The following SLC28A3 variants were observed in gnomAD, a reference collection of about 807,000 sequenced individuals.
SLC28A3 encodes the protein solute carrier family 28 member 3, also known as concentrative Na(+)-nucleoside cotransporter 3.
In SLC28A3, 68 loss-of-function variants were observed where a neutral mutation model predicts 84.2. The ratio of observed to expected loss-of-function variants is 0.81; its 90% CI spans 0.66 to 0.99. The LOEUF is 0.99. SLC28A3 is among the 50% of genes least tolerant of loss of function. The pLI is 0.00. For missense variants in SLC28A3, 712 were observed against 841.5 expected (o/e 0.85, Z 1.90); for synonymous variants, 267 against 303.6 (o/e 0.88, Z 1.25).
At chr9:84,354,704 TG>T in the SLC28A3 span, among the ~76,000 whole-genome samples, 3 of 151,488 alleles carry the variant, frequency 2.0e-5, no homozygotes, top group African/African-American at 7.3e-5. Context: ...AAAAATTAGC[TG>T]GTATGGTGGC....
At chr9:84,292,628 A>G (rs777593338) in intron 10 of SLC28A3, 40 bp downstream of exon 10, 2 of 1,500,374 alleles carry the variant, frequency 1.3e-6, no homozygotes, top group South Asian at 1.2e-5. Context: ...GAGACGATCC[A>G]TTTCAACAGA....
chr9:84,367,186 A>G, the SLC28A3 span, among the ~76,000 whole-genome samples: 94 of 152,188 alleles, frequency 6.2e-4, no homozygotes, highest in African/African-American at 2.2e-3. Flanking sequence ...AGTACTCCAC[A>G]GGAAGTACTG....
chr9:84,351,844 T>G, the SLC28A3 span, among the ~76,000 whole-genome samples: 48,805 of 150,596 alleles, frequency 0.32, 11,059 homozygotes, highest in African/African-American at 0.64. Flanking sequence ...AGGAATAAAG[T>G]GATATAATGT....
intron 1 of SLC28A3, among the ~76,000 whole-genome samples, chr9:84,328,995 T>C (rs1826677147): frequency 6.6e-6 from 1 of 152,082 alleles, no homozygotes; most frequent in Admixed American, 6.6e-5. Context: ...ACAAGAGACA[T>C]ACTTTACATT....
intron 1 of SLC28A3, among the ~76,000 whole-genome samples, chr9:84,322,375 TGGTTTATGCAGCA>T (rs1588614148): frequency 1.3e-5 from 2 of 152,224 alleles, no homozygotes; most frequent in African/African-American, 4.8e-5. Flanking sequence ...CTGCTATCAT[TGGTTTATGCAGCA>T]GGTATCACAA....
At chr9:84,287,261 G>A (rs1012885400) in intron 12 of SLC28A3, among the ~76,000 whole-genome samples, 1 of 152,112 alleles carries the variant, frequency 6.6e-6, no homozygotes, top group Non-Finnish European at 1.5e-5. Flanking sequence ...TTGCTTTTTC[G>A]CTCATGGTTG....
At chr9:84,287,926 A>T (rs1588566186) in intron 12 of SLC28A3, 122 bp downstream of exon 12, 2 of 1,293,158 alleles carry the variant, frequency 1.5e-6, no homozygotes, top group Non-Finnish European at 2.1e-6. Context: ...TAGTCTTTGG[A>T]CTAACTTTAA....
chr9:84,301,369 A>AAAAAAAAAG (rs753889714), intron 5 of SLC28A3, among the ~76,000 whole-genome samples: 5,380 of 130,946 alleles, frequency 0.041, 296 homozygotes, highest in East Asian at 0.066. Flanking sequence ...AAAAAAAAAA[A>AAAAAAAAAG]AAAAAGAAAA....
At chr9:84,294,091 A>G (rs1588575467) in intron 9 of SLC28A3, 104 bp downstream of exon 9, 1 of 975,990 alleles carries the variant, frequency 1.0e-6, no homozygotes. Flanking sequence ...TAATGGTAGG[A>G]AGAGAAAGGC....
At position 84,320,040 on chromosome 9, in the gene SLC28A3, G is replaced by GTTTTT. The variant is rs1182939298; in HGVS notation, c.61-6591_61-6587dup. ...TACTCATTCCAGCCTGGCTTGCACT[G>GTTTTT]TTTTTTTTTTTTTTTTTTTTTTTTT... On this transcript the variant is annotated intron_variant, in intron 1 of 17. Coordinates refer to ENST00000376238, the MANE Select transcript of SLC28A3 (RefSeq NM_001199633.2). 7.9e-3 allele frequency among the ~76,000 whole-genome samples: 470 copies of GTTTTT among 59,452 alleles called. 73 individuals carry two copies. The highest frequency in any genetic ancestry group is 0.011 in the Non-Finnish European group (367 of 33,102). 39.0% of individuals were successfully genotyped at this position (59,452 alleles called of 152,430 possible). A position where few individuals can be genotyped will look rare whatever the true frequency, so the allele number is the denominator to read the frequency against.
chr9:84,303,631 T>C (rs1283322108), intron 4 of SLC28A3, among the ~76,000 whole-genome samples: 1 of 152,190 alleles, frequency 6.6e-6, no homozygotes, highest in Non-Finnish European at 1.5e-5. Context: ...CTTTAGAATT[T>C]TGACGTGACA....
chr9:84,292,132 G>A (rs1438934083), intron 10 of SLC28A3, among the ~76,000 whole-genome samples: 8 of 152,148 alleles, frequency 5.3e-5, no homozygotes, highest in Non-Finnish European at 7.4e-5. Context: ...AAGTATTTAC[G>A]CAGTTGCATG....
chr9:84,321,733 C>CAAAAAAA, intron 1 of SLC28A3, among the ~76,000 whole-genome samples: 1 of 65,104 alleles, frequency 1.5e-5, no homozygotes, highest in Non-Finnish European at 3.1e-5. Context: ...GACTCCGTCT[C>CAAAAAAA]AAAAAAAAAA....
chr9:84,279,978 C>T lies in SLC28A3; in HGVS notation c.1825G>A (p.Ala609Thr), dbSNP rs377557715. The T allele has an allele frequency of 4.0e-5, 65 of 1,613,566 alleles. No homozygotes were observed. Among genetic ancestry groups the T allele is most frequent in the Middle Eastern group, 1.6e-4 (1 of 6,084 alleles). The change falls in exon 16 of 18, where the codon GCA becomes ACA. Residue 609 changes from alanine (A) to threonine (T), a missense_variant. Physicochemically the swap from Ala to Thr is moderately conservative, Grantham distance 58. Coordinates refer to ENST00000376238, the MANE Select transcript of SLC28A3 (RefSeq NM_001199633.2). Reference protein sequence around the residue: ...TVACFMTACIAGILSSTPVDI... With the variant: ...TVACFMTACITGILSSTPVDI... Reference sequence around the variant, plus strand: ...CACAAAGGACAGGGTGCGGTACCTGCGATGCAGGCTGTCATGAAGCAGGCC... The same window carrying T: ...CACAAAGGACAGGGTGCGGTACCTGTGATGCAGGCTGTCATGAAGCAGGCC...
intron 3 of SLC28A3, among the ~76,000 whole-genome samples, chr9:84,308,039 T>A (rs1825861524): frequency 6.6e-6 from 1 of 152,178 alleles, no homozygotes; most frequent in African/African-American, 2.4e-5. Context: ...TGGGATGATG[T>A]ATATGTGACA....
intron 14 of SLC28A3, among the ~76,000 whole-genome samples, chr9:84,283,325 C>T (rs776851410): frequency 2.0e-5 from 3 of 152,264 alleles, no homozygotes; most frequent in South Asian, 4.1e-4. Context: ...AGATGCCATA[C>T]GTACAGGATG....
chr9:84,277,022 C>T lies in SLC28A3; in HGVS notation c.*1196G>A, dbSNP rs1824549138. 1 of 152,228 alleles carries T rather than the reference C, an allele frequency of 6.6e-6. No homozygotes were observed. The highest frequency in any genetic ancestry group is 2.4e-5 in the African/African-American group (1 of 41,460). The allele number at this position is 152,228 out of a possible 1,614,324, so 9.4% of individuals were successfully genotyped here. On this transcript the variant is annotated 3_prime_UTR_variant, in exon 18 of 18. Transcript: ENST00000376238. ...CTGGAATCTTTTTCTTAGACACTGA[C>T]ACCCATTCTTCAAGTTTGATACTGA...
chr9:84,319,772 G>T (rs1826299831), intron 1 of SLC28A3, among the ~76,000 whole-genome samples: 1 of 152,080 alleles, frequency 6.6e-6, no homozygotes, highest in African/African-American at 2.4e-5. Flanking sequence ...ATGCATTTGG[G>T]AAGGAGACCA....
At position 84,280,863 on chromosome 9, in the gene SLC28A3, G is replaced by A. The variant is rs112950285; in HGVS notation, c.1667C>T (p.Ala556Val). Residue 556 changes from alanine (A) to valine (V), a missense_variant, in exon 15 of 18, where the codon GCC becomes GTC. Coordinates refer to ENST00000376238, the MANE Select transcript of SLC28A3 (RefSeq NM_001199633.2). Reference protein sequence around the residue: ...QYISIRSEIIATYALCGFANI... With the variant: ...QYISIRSEIIVTYALCGFANI... ...GGCAAAACCACAGAGAGCGTAAGTGGCGATTATCTCAGAACGAATCTGTAA... is the reference window on the plus strand; with the variant it reads ...GGCAAAACCACAGAGAGCGTAAGTGACGATTATCTCAGAACGAATCTGTAA... 6.2e-7 allele frequency: 1 copy of A among 1,614,056 alleles called. No homozygotes were observed. Among genetic ancestry groups the A allele is most frequent in the Non-Finnish European group, 8.5e-7 (1 of 1,180,010 alleles).
Sources: allele counts gnomAD v4.1 joint callset (sites outside exome capture counted in the v4.1 genomes callset), GRCh38; gene constraint gnomAD v4.1.1; transcripts MANE v1.5; gene names NCBI Gene and HGNC (gene_info 2026-07-23, HGNC 2026-07-21).